The following ASMTL variants were observed in gnomAD, a reference collection of about 807,000 sequenced individuals.
ASMTL encodes the protein acetylserotonin O-methyltransferase like, also known as probable bifunctional dTTP/UTP pyrophosphatase/methyltransferase protein.
ASMTL carries 57 observed loss-of-function variants against 60.3 expected under a neutral mutation model. The observed-to-expected ratio is 0.95, with a 90% CI of 0.76 to 1.18. ASMTL has a LOEUF of 1.18. Among genes scored for constraint, ASMTL ranks in the 50% most tolerant of loss-of-function variants. The pLI is 0.00. For missense variants in ASMTL, 981 were observed against 852.6 expected (o/e 1.15, Z -1.88); for synonymous variants, 419 against 373.0 (o/e 1.12, Z -1.42).
intron 12 of ASMTL, 180 bp from the exon 13 acceptor site, chrX:1,403,669 G>A (rs1441535127): frequency 5.7e-5 from 35 of 610,896 alleles, no homozygotes; most frequent in Admixed American, 1.4e-4. Context: ...GATGCAGGGC[G>A]GACAGACAGG....
At chrX:1,440,215 T>C (rs1358170549) in intron 2 of ASMTL, among the ~76,000 whole-genome samples, 1 of 151,570 alleles carries the variant, frequency 6.6e-6, no homozygotes, top group East Asian at 1.9e-4. Flanking sequence ...GCCTCCCGAG[T>C]AGCTGGGACT....
At chrX:1,419,460 A>G (rs2090413057) in intron 9 of ASMTL, among the ~76,000 whole-genome samples, 1 of 152,112 alleles carries the variant, frequency 6.6e-6, no homozygotes, top group Non-Finnish European at 1.5e-5. Context: ...CTCACTGGAG[A>G]AAACCAGGAG....
chrX:1,435,036 T>G lies in ASMTL; in HGVS notation c.386A>C (p.His129Pro), dbSNP rs746865306. 1 of 1,613,870 alleles carries G rather than the reference T, an allele frequency of 6.2e-7. No homozygotes were observed. The highest frequency in any genetic ancestry group is 8.5e-7 in the Non-Finnish European group (1 of 1,179,850). Residue 129 changes from histidine to proline, a missense_variant, in exon 5 of 13, where the codon CAC (histidine) becomes CCC (proline). Transcript: ENST00000381317. ...HSVFTGVAIV[H>P]CSSKDHQLDT... is the part of the protein sequence containing the mutation. ...GCCGCGGTTACCTTTGCTGGAGCAG[T>G]GGACGATCGCGACACCTGTGAACAC...
chrX:1,445,783 T>A (rs1302209818), intron 1 of ASMTL, among the ~76,000 whole-genome samples: 3 of 152,218 alleles, frequency 2.0e-5, no homozygotes, highest in African/African-American at 7.2e-5. Context: ...AATCTTATAA[T>A]AATCCTTGCT....
At chrX:1,407,505 T>A (rs2089908889) in intron 12 of ASMTL, among the ~76,000 whole-genome samples, 1 of 151,696 alleles carries the variant, frequency 6.6e-6, no homozygotes, top group Non-Finnish European at 1.5e-5. Flanking sequence ...GATGGATGGA[T>A]GGGTGAATAT....
intron 11 of ASMTL, among the ~76,000 whole-genome samples, chrX:1,417,702 GCA>G (rs1338709488): frequency 5.3e-5 from 8 of 149,586 alleles, no homozygotes; most frequent in African/African-American, 1.5e-4. Context: ...CCAGAGACGT[GCA>G]CACACATGCG....
At chrX:1,426,227 C>T (rs1276522844) in intron 7 of ASMTL, among the ~76,000 whole-genome samples, 1 of 152,080 alleles carries the variant, frequency 6.6e-6, no homozygotes, top group Non-Finnish European at 1.5e-5. Flanking sequence ...TCTTGGACCT[C>T]CAGCCTCCAG....
In ASMTL at chrX:1,427,802, T is replaced by C. The variant is rs764106818; in HGVS notation, c.829A>G (p.Thr277Ala). The C allele has an allele frequency of 1.2e-6, 2 of 1,612,568 alleles. No individual in the cohort carries two copies. Among genetic ancestry groups the C allele is most frequent in the African/African-American group, 1.3e-5 (1 of 74,864 alleles). ...GGGAACGGAGGCAGGGTCTCCCGAG[T>C]CCTGTGACACTCAGCCTCTGCCGTG... ...QATAEAECHR[T>A]RETLPPFPTR... The change falls in exon 7 of 13, where the codon ACT (threonine) becomes GCT (alanine). Residue 277 changes from threonine to alanine, a missense_variant. Transcript: ENST00000381317.
chrX:1,411,270 T>C (rs1183312805), intron 12 of ASMTL, among the ~76,000 whole-genome samples: 1 of 152,214 alleles, frequency 6.6e-6, no homozygotes, highest in Non-Finnish European at 1.5e-5. Flanking sequence ...CTTGACCATT[T>C]GAGCCTATGG....
At position 1,430,018 on chromosome X, in the gene ASMTL, A is replaced by AT. The variant is rs201873094; in HGVS notation, c.510-1898dup. 7.5e-3 allele frequency among the ~76,000 whole-genome samples: 1,100 copies of AT among 145,934 alleles called. 14 individuals are homozygous for AT. The highest frequency in any genetic ancestry group is 0.02 in the African/African-American group (788 of 39,788). On this transcript the variant is annotated intron_variant, in intron 6 of 12. Transcript: ENST00000381317. Reference sequence around the variant, plus strand: ...CCTTGAACTTCTCCCGTCTCACTTAATTTTTTTTTTTTAAAAGACGGAGTC... The same window carrying AT: ...CCTTGAACTTCTCCCGTCTCACTTAATTTTTTTTTTTTTAAAAGACGGAGTC...
chrX:1,418,993 C>G lies in ASMTL; in HGVS notation c.1367G>C (p.Cys456Ser), dbSNP rs769154668. 9 of 1,611,904 alleles carry G rather than the reference C, an allele frequency of 5.6e-6. No homozygotes were observed. The highest frequency in any genetic ancestry group is 6.8e-6 in the Non-Finnish European group (8 of 1,179,820). The change falls in exon 10 of 13, where the codon TGC (cysteine) becomes TCC (serine). Residue 456 changes from cysteine to serine, a missense_variant. Transcript: ENST00000381317. ...AFNLSRFSSA[C>S]DVGGCTGALA... ...GGGGGGCCACCCACCTCCCACGTCGCAGGCGGAGGAGAAGCGGGACAGATT... is the reference window on the plus strand; with the variant it reads ...GGGGGGCCACCCACCTCCCACGTCGGAGGCGGAGGAGAAGCGGGACAGATT...
chrX:1,431,707 T>C (rs762605377), intron 6 of ASMTL, among the ~76,000 whole-genome samples: 12 of 148,684 alleles, frequency 8.1e-5, no homozygotes, highest in Non-Finnish European at 1.5e-4. Context: ...ACATAAATTA[T>C]ATATAATTGT....
rs56674595 is a variant in ASMTL at position 1,451,160 on chromosome X, C to T, written c.93+1588G>A. Among the ~76,000 whole-genome samples, 2 of 8,226 alleles carry T rather than the reference C, an allele frequency of 2.4e-4. 1 individual carries two copies. The highest frequency in any genetic ancestry group is 8.1e-4 in the African/African-American group (2 of 2,484). 5.4% of individuals were successfully genotyped at this position (8,226 alleles called of 152,430 possible). ...ATTCCTAGGGGGTCCTGGGACACTCCTCCCTCCCCATCCCTAGGGGGTCCT... is the reference window on the plus strand; with the variant it reads ...ATTCCTAGGGGGTCCTGGGACACTCTTCCCTCCCCATCCCTAGGGGGTCCT... On this transcript the variant is annotated intron_variant, in intron 1 of 12. Coordinates refer to ENST00000381317, the MANE Select transcript of ASMTL (RefSeq NM_004192.4).
Position 1,442,213 on chromosome X carries a change from G to A in ASMTL, c.198C>T (p.Ala66=), listed in dbSNP as rs774249664. The change falls in exon 2 of 13, where the codon GCC becomes GCT. Residue 66 remains alanine, a synonymous_variant. Coordinates refer to ENST00000381317, the MANE Select transcript of ASMTL (RefSeq NM_004192.4). ...GGTACAGCCGGTTGGCCACCTCCAG[G>A]GCCTTCTGCTTGGCGGTCTCCATGG... The part of the protein sequence containing the change: ...GYAMETAKQK[A]LEVANRLYQK... 1.2e-6 allele frequency: 2 copies of A among 1,613,738 alleles called. No individual in the cohort carries two copies. The highest frequency in any genetic ancestry group is 1.7e-6 in the Non-Finnish European group (2 of 1,179,846).
intron 6 of ASMTL, among the ~76,000 whole-genome samples, chrX:1,430,343 G>A (rs1343155881): frequency 2.0e-5 from 3 of 152,024 alleles, no homozygotes; most frequent in Admixed American, 2.0e-4. Context: ...TTGACCAAGT[G>A]CAACTGTTTT....
intron 1 of ASMTL, among the ~76,000 whole-genome samples, chrX:1,442,799 A>C (rs1325438615): frequency 6.6e-6 from 1 of 152,108 alleles, no homozygotes; most frequent in Non-Finnish European, 1.5e-5. Context: ...AATCCCTGGT[A>C]CCCAGGAAGA....
At chrX:1,413,825 G>A (rs1279772764) in intron 11 of ASMTL, 1 of 152,128 alleles carries the variant, frequency 6.6e-6, no homozygotes, top group African/African-American at 2.4e-5. Flanking sequence ...AGACTGGAGT[G>A]ATGCGGCCAC....
At chrX:1,421,177 T>C (rs1378007322) in intron 9 of ASMTL, among the ~76,000 whole-genome samples, 1 of 151,714 alleles carries the variant, frequency 6.6e-6, no homozygotes, top group Non-Finnish European at 1.5e-5. Context: ...GTTGGCCAGG[T>C]TGGTCTCGCA....
chrX:1,439,354 G>A (rs1457669764), intron 2 of ASMTL, among the ~76,000 whole-genome samples: 12 of 152,302 alleles, frequency 7.9e-5, no homozygotes, highest in African/African-American at 2.4e-4. Context: ...GGGTGAGGCC[G>A]GGGCCCACGG....
Sources: allele counts gnomAD v4.1 joint callset (sites outside exome capture counted in the v4.1 genomes callset), GRCh38; gene constraint gnomAD v4.1.1; transcripts MANE v1.5; gene names NCBI Gene and HGNC (gene_info 2026-07-23, HGNC 2026-07-21).